The following DAP variants were observed in gnomAD, a reference collection of about 807,000 sequenced individuals.
DAP encodes death associated protein, also known as death-associated protein 1.
In DAP, 8 loss-of-function variants were observed where a neutral mutation model predicts 13.8. The ratio of observed to expected loss-of-function variants is 0.58; its 90% CI spans 0.34 to 1.05. The LOEUF is 1.05. Ranked by LOEUF, DAP falls within the 50% of genes least tolerant of loss-of-function variation. The probability of loss-of-function intolerance (pLI) is 0.03; values close to 1 mark genes in which losing one functional copy is unlikely to be tolerated. For missense variants in DAP, 106 were observed against 133.2 expected, an observed-to-expected ratio of 0.80 and a Z score of 1.01; for synonymous variants, 47 against 47.5, an observed-to-expected ratio of 0.99 and a Z score of 0.04.
At position 10,680,537 on chromosome 5, in the gene DAP, CGA is replaced by C. The variant is rs1383713129; in HGVS notation, c.*517_*518del. The C allele has an allele frequency of 3.3e-6, 2 of 614,782 alleles. No homozygotes were observed. The highest frequency in any genetic ancestry group is 5.7e-6 in the Non-Finnish European group (2 of 352,044). 38.1% of individuals were successfully genotyped at this position (614,782 alleles called of 1,614,324 possible). On this transcript the variant is annotated 3_prime_UTR_variant, in exon 4 of 4. Transcript: ENST00000230895. ...AGCCTGCACAGGATCCCCCATCTCA[CGA>C]GAGAGGGAAATTTGGCATTGCTGTT...
intron 1 of DAP, among the ~76,000 whole-genome samples, chr5:10,754,710 C>G (rs1395905111): frequency 6.6e-6 from 1 of 152,110 alleles, no homozygotes; most frequent in Non-Finnish European, 1.5e-5. Flanking sequence ...GAGGCTGATT[C>G]AAAAAGTTTA....
chr5:10,759,944 G>GT (rs1740298364), intron 1 of DAP, among the ~76,000 whole-genome samples: 1 of 151,804 alleles, frequency 6.6e-6, no homozygotes, highest in Admixed American at 6.6e-5. Flanking sequence ...TAGTAGAGAT[G>GT]GGGTTTCACC....
chr5:10,693,142 A>ACACG (rs1329180788), intron 2 of DAP, among the ~76,000 whole-genome samples: 1 of 144,342 alleles, frequency 6.9e-6, no homozygotes, highest in Non-Finnish European at 1.5e-5. Context: ...ACACACACAC[A>ACACG]CACACACACA....
At chr5:10,702,651 C>T (rs918075057) in intron 2 of DAP, among the ~76,000 whole-genome samples, 2 of 152,086 alleles carry the variant, frequency 1.3e-5, no homozygotes, top group Admixed American at 6.5e-5. Context: ...TAGCTAGAGG[C>T]GGTAAGGAAA....
intron 2 of DAP, among the ~76,000 whole-genome samples, chr5:10,701,173 C>T (rs1269243836): frequency 2.0e-5 from 3 of 152,194 alleles, no homozygotes; most frequent in Admixed American, 6.5e-5. Context: ...CCCAAGGAAA[C>T]AAAAAACGCA....
intron 2 of DAP, among the ~76,000 whole-genome samples, chr5:10,724,167 G>A (rs935081496): frequency 6.6e-6 from 1 of 152,170 alleles, no homozygotes; most frequent in African/African-American, 2.4e-5. Context: ...AGCCTGAAAT[G>A]ATTTATAAAT....
At chr5:10,710,983 T>C (rs1220130997) in intron 2 of DAP, among the ~76,000 whole-genome samples, 1 of 152,118 alleles carries the variant, frequency 6.6e-6, no homozygotes, top group Non-Finnish European at 1.5e-5. Context: ...CTGGAGTGTG[T>C]TGTGTGAGGA....
At chr5:10,708,442 G>GACACACACACAC (rs3836780) in intron 2 of DAP, among the ~76,000 whole-genome samples, 6 of 147,724 alleles carry the variant, frequency 4.1e-5, no homozygotes, top group African/African-American at 1.5e-4. Flanking sequence ...ACACATATCA[G>GACACACACACAC]ACACACACAC....
chr5:10,697,577 T>C (rs1738466460), intron 2 of DAP, among the ~76,000 whole-genome samples: 1 of 152,168 alleles, frequency 6.6e-6, no homozygotes, highest in African/African-American at 2.4e-5. Context: ...TCAAGGGTCA[T>C]GTTATAAATG....
chr5:10,711,030 A>C lies in DAP; in HGVS notation c.153-27459T>G, dbSNP rs540101186. Among the ~76,000 whole-genome samples the C allele has an allele frequency of 2.6e-5, 4 of 152,332 alleles. No individual in the cohort carries two copies. In the South Asian group the frequency reaches 8.3e-4, roughly 32 times the overall value. Reference sequence around the variant, plus strand: ...AAGAGAAAAGGCAGTGCAGCTAATAAATAACAACTGAGGTCTTTAATTAAA... The same window carrying C: ...AAGAGAAAAGGCAGTGCAGCTAATACATAACAACTGAGGTCTTTAATTAAA... On this transcript the variant is annotated intron_variant, in intron 2 of 3. Transcript: ENST00000230895.
Position 10,687,541 on chromosome 5 carries a change from C to G in DAP, c.153-3970G>C, listed in dbSNP as rs193062695. ...GAACTAACTGCAGATGTGGTGAAAA[C>G]AGCAAGAGAACTAGGATTAGAAGTG... On this transcript the variant is annotated intron_variant, in intron 2 of 3. Coordinates refer to ENST00000230895, the MANE Select transcript of DAP (RefSeq NM_004394.3). 2.6e-5 allele frequency among the ~76,000 whole-genome samples: 4 copies of G among 152,244 alleles called. 1 individual carries two copies. The East Asian group carries it at 7.7e-4, about 29-fold the overall frequency.
At chr5:10,735,293 C>G (rs1004381576) in intron 2 of DAP, among the ~76,000 whole-genome samples, 3 of 152,154 alleles carry the variant, frequency 2.0e-5, no homozygotes, top group African/African-American at 7.2e-5. Context: ...GTTACAAATA[C>G]CAACAACCTA....
rs114809150 is a variant in DAP at position 10,688,416 on chromosome 5, C to T, written c.153-4845G>A. Among the ~76,000 whole-genome samples the T allele has an allele frequency of 4.6e-3, 701 of 152,188 alleles. 3 individuals carry two copies. Among genetic ancestry groups the T allele is most frequent in the African/African-American group, 0.015 (619 of 41,518 alleles). On this transcript the variant is annotated intron_variant, in intron 2 of 3. Coordinates refer to ENST00000230895, the MANE Select transcript of DAP (RefSeq NM_004394.3). ...ATTAAGTTATGCATTGTTTTTTAGACGTAATGCTACTGTACACTTAATAGG... is the reference window on the plus strand; with the variant it reads ...ATTAAGTTATGCATTGTTTTTTAGATGTAATGCTACTGTACACTTAATAGG...
At chr5:10,749,718 C>T (rs1444110307) in intron 1 of DAP, among the ~76,000 whole-genome samples, 2 of 150,994 alleles carry the variant, frequency 1.3e-5, no homozygotes, top group Middle Eastern at 3.4e-3. Context: ...CTTGCCAGCT[C>T]TCCCCAGCCT....
intron 2 of DAP, among the ~76,000 whole-genome samples, chr5:10,712,124 G>C (rs1457270245): frequency 6.6e-6 from 1 of 152,142 alleles, no homozygotes; most frequent in Non-Finnish European, 1.5e-5. Flanking sequence ...GTCCCTATAA[G>C]GGGAGAGCAG....
At chr5:10,698,323 T>C (rs73741457) in intron 2 of DAP, among the ~76,000 whole-genome samples, 1,532 of 139,258 alleles carry the variant, frequency 0.011, 31 homozygotes, top group African/African-American at 0.039. Context: ...CAAGGTCAAG[T>C]AGACAGAAAA....
At chr5:10,688,118 G>GTGA (rs1738202190) in intron 2 of DAP, among the ~76,000 whole-genome samples, 2 of 151,968 alleles carry the variant, frequency 1.3e-5, no homozygotes, top group African/African-American at 4.8e-5. Context: ...GTTTTGTCAC[G>GTGA]TTTGCCAGGC....
At chr5:10,739,139 T>C (rs1168887074) in intron 2 of DAP, among the ~76,000 whole-genome samples, 1 of 136,186 alleles carries the variant, frequency 7.3e-6, no homozygotes, top group Admixed American at 8.6e-5. Flanking sequence ...GAGGTGGAGC[T>C]TGCAGAGAGC....
At chr5:10,745,911 CTT>C (rs1321169281) in intron 2 of DAP, among the ~76,000 whole-genome samples, 1 of 152,214 alleles carries the variant, frequency 6.6e-6, no homozygotes, top group Non-Finnish European at 1.5e-5. Context: ...CTTACACACT[CTT>C]AGCCTCGATT....
Sources: gnomAD v4.1 joint callset for allele counts (sites outside exome capture counted in the v4.1 genomes callset) on GRCh38, gnomAD v4.1.1 for gene constraint, MANE v1.5 for transcripts, NCBI Gene and HGNC (gene_info 2026-07-23, HGNC 2026-07-21) for gene names.